Variants in ZBBX observed in about 807,000 individuals in gnomAD.
ZBBX encodes the protein zinc finger B-box domain containing.
ZBBX carries 101 observed loss-of-function variants against 108.5 expected under a neutral mutation model. The observed-to-expected ratio is 0.93, with a 90% CI of 0.79 to 1.10. The LOEUF (loss-of-function observed/expected upper bound fraction) is 1.10. Ranked by LOEUF, ZBBX falls within the 50% of genes least tolerant of loss-of-function variation. The pLI is 0.00. For missense variants in ZBBX, 1,009 were observed against 941.4 expected (o/e 1.07, Z -0.94); for synonymous variants, 356 against 323.4 (o/e 1.10, Z -1.08).
intron 1 of ZBBX, among the ~76,000 whole-genome samples, chr3:167,394,010 A>G (rs1162161587): frequency 6.6e-6 from 1 of 151,966 alleles, no homozygotes; most frequent in Non-Finnish European, 1.5e-5. Flanking sequence ...AAAGTAGAAT[A>G]TATATTTTAT....
chr3:167,384,952 G>A (rs898040207), upstream of ZBBX, among the ~76,000 whole-genome samples: 1 of 152,004 alleles, frequency 6.6e-6, no homozygotes, highest in African/African-American at 2.4e-5. Context: ...TAAATTGTTG[G>A]TGTATATATG....
chr3:167,346,492 G>C (rs920756551), intron 9 of ZBBX, among the ~76,000 whole-genome samples: 1 of 151,874 alleles, frequency 6.6e-6, no homozygotes. Context: ...GGCTGAAACA[G>C]TTTACAACTA....
the ZBBX span, among the ~76,000 whole-genome samples, chr3:167,195,295 T>C: frequency 6.6e-6 from 1 of 152,170 alleles, no homozygotes; most frequent in Non-Finnish European, 1.5e-5. Flanking sequence ...AGTTAATTTA[T>C]CACTAACTCA....
At chr3:167,309,728 C>A (rs141986500) in intron 16 of ZBBX, among the ~76,000 whole-genome samples, 39 of 152,320 alleles carry the variant, frequency 2.6e-4, no homozygotes, top group Non-Finnish European at 3.8e-4. Context: ...TCTAGGCCTA[C>A]AGGCCAGTAA....
chr3:167,348,332 G>T (rs1741942999), intron 9 of ZBBX, among the ~76,000 whole-genome samples: 1 of 93,756 alleles, frequency 1.1e-5, no homozygotes, highest in African/African-American at 4.5e-5. Context: ...AAGAAAGAAA[G>T]AAAGAAAGAA....
At chr3:167,222,138 G>A in the ZBBX span, among the ~76,000 whole-genome samples, 1 of 151,078 alleles carries the variant, frequency 6.6e-6, no homozygotes, top group Non-Finnish European at 1.5e-5. Flanking sequence ...CAATAGACAA[G>A]ATTTGAAAGC....
intron 20 of ZBBX, among the ~76,000 whole-genome samples, chr3:167,276,977 T>G (rs1727711369): frequency 6.6e-6 from 1 of 152,142 alleles, no homozygotes; most frequent in Admixed American, 6.5e-5. Context: ...ACCCAGAATT[T>G]CATATCCAGC....
chr3:167,205,963 T>A, the ZBBX span, among the ~76,000 whole-genome samples: 1 of 152,116 alleles, frequency 6.6e-6, no homozygotes, highest in African/African-American at 2.4e-5. Context: ...TACTTAACGA[T>A]CAATCATCTA....
chr3:167,197,698 C>T, the ZBBX span, among the ~76,000 whole-genome samples: 2 of 152,040 alleles, frequency 1.3e-5, no homozygotes, highest in African/African-American at 4.8e-5. Flanking sequence ...GACATGCTGT[C>T]AGAATGAGTC....
the ZBBX span, among the ~76,000 whole-genome samples, chr3:167,221,183 C>T: frequency 6.6e-6 from 1 of 151,722 alleles, no homozygotes; most frequent in Non-Finnish European, 1.5e-5. Flanking sequence ...AATACCAAGA[C>T]ATTTTTCACA....
chr3:167,258,048 T>C (rs1723834298), intron 20 of ZBBX, among the ~76,000 whole-genome samples: 1 of 152,186 alleles, frequency 6.6e-6, no homozygotes, highest in Admixed American at 6.5e-5. Context: ...CATTTGCTTT[T>C]GGGTTCTTGG....
At position 167,378,717 on chromosome 3, in the gene ZBBX, G is replaced by A. The variant is rs146330442; in HGVS notation, c.-132+921C>T. On this transcript the variant is annotated intron_variant, in intron 2 of 21. Transcript: ENST00000675490. Reference sequence around the variant, plus strand: ...GAGAAGAAAATGGAGCATCAAGATTGTGCTTTACCCTTAGCATCTCTGCTT... The same window carrying A: ...GAGAAGAAAATGGAGCATCAAGATTATGCTTTACCCTTAGCATCTCTGCTT... 8.3e-3 allele frequency among the ~76,000 whole-genome samples: 1,262 copies of A among 152,250 alleles called. 9 individuals carry two copies. The highest frequency in any genetic ancestry group is 0.037 in the Middle Eastern group (11 of 294).
chr3:167,254,923 G>GGA (rs998382592), intron 20 of ZBBX, among the ~76,000 whole-genome samples: 24 of 19,840 alleles, frequency 1.2e-3, no homozygotes, highest in African/African-American at 7.9e-3. Flanking sequence ...AGAGAGAAAG[G>GGA]GAGAGAGAGA....
intron 2 of ZBBX, among the ~76,000 whole-genome samples, chr3:167,375,870 G>C (rs950848132): frequency 6.6e-6 from 1 of 152,100 alleles, no homozygotes; most frequent in Non-Finnish European, 1.5e-5. Flanking sequence ...ATAAGGTAGC[G>C]GTTGCCTTAT....
chr3:167,277,161 C>T (rs190664975), intron 20 of ZBBX, among the ~76,000 whole-genome samples: 1,913 of 152,002 alleles, frequency 0.013, 41 homozygotes, highest in African/African-American at 0.044. Flanking sequence ...TAAAGACCAT[C>T]GAGACTAGGA....
intron 16 of ZBBX, among the ~76,000 whole-genome samples, chr3:167,307,139 A>G (rs567284689): frequency 6.6e-6 from 1 of 152,116 alleles, no homozygotes; most frequent in South Asian, 2.1e-4. Context: ...TCAAAATAAT[A>G]AGAACCATAT....
chr3:167,238,351 A>C (rs1036870904), downstream of ZBBX, among the ~76,000 whole-genome samples: 2 of 152,038 alleles, frequency 1.3e-5, no homozygotes, highest in Non-Finnish European at 2.9e-5. Context: ...TCTTTTAAAA[A>C]TTATATCTTT....
chr3:167,231,703 AG>A, the ZBBX span, among the ~76,000 whole-genome samples: 1 of 151,796 alleles, frequency 6.6e-6, no homozygotes, highest in Non-Finnish European at 1.5e-5. Flanking sequence ...CTTTACTAAG[AG>A]GGACTTTTTG....
the ZBBX span, among the ~76,000 whole-genome samples, chr3:167,225,570 G>C: frequency 1.3e-5 from 2 of 151,762 alleles, no homozygotes; most frequent in Non-Finnish European, 2.9e-5. Flanking sequence ...AGAGTAATCT[G>C]ACTTGGATCA....
Sources: allele counts gnomAD v4.1 joint callset (sites outside exome capture counted in the v4.1 genomes callset), GRCh38; gene constraint gnomAD v4.1.1; transcripts MANE v1.5; gene names NCBI Gene and HGNC (gene_info 2026-07-23, HGNC 2026-07-21).